MARCHF1: variants seen among roughly 807,000 people sequenced by gnomAD.
MARCHF1 encodes the protein E3 ubiquitin-protein ligase MARCHF1.
Under a neutral mutation model 54.2 loss-of-function variants are expected in MARCHF1, and 40 were observed. That is an observed-to-expected ratio of 0.74 (90% CI 0.57 to 0.96). MARCHF1 has a LOEUF of 0.96. Among genes scored for constraint, MARCHF1 ranks in the 40% least tolerant of loss-of-function variants. MARCHF1 has a pLI of 0.00. For missense variants in MARCHF1, 586 were observed against 656.5 expected, an observed-to-expected ratio of 0.89 and a Z score of 1.17; for synonymous variants, 236 against 236.3, an observed-to-expected ratio of 1.00 and a Z score of 0.01.
chr4:163,594,309 T>A (rs985112776), intron 7 of MARCHF1, among the ~76,000 whole-genome samples: 1 of 152,002 alleles, frequency 6.6e-6, no homozygotes, highest in Non-Finnish European at 1.5e-5. Flanking sequence ...GAAAAGAGCA[T>A]GAAAGTTCTT....
At chr4:164,024,921 C>G (rs1445240596) in intron 2 of MARCHF1, among the ~76,000 whole-genome samples, 1 of 151,618 alleles carries the variant, frequency 6.6e-6, no homozygotes, top group Non-Finnish European at 1.5e-5. Flanking sequence ...AACAAAAGAA[C>G]AGCAGGAGTC....
At chr4:164,218,986 A>T (rs1732013381) in intron 1 of MARCHF1, among the ~76,000 whole-genome samples, 1 of 152,184 alleles carries the variant, frequency 6.6e-6, no homozygotes, top group Non-Finnish European at 1.5e-5. Context: ...AAGGATATGT[A>T]AACAGTATTG....
intron 5 of MARCHF1, among the ~76,000 whole-genome samples, chr4:163,636,292 A>G (rs1742319360): frequency 6.7e-6 from 1 of 149,128 alleles, no homozygotes; most frequent in Non-Finnish European, 1.5e-5. Flanking sequence ...TTAGGAAAAG[A>G]GGAAGTCAAA....
intron 1 of MARCHF1, among the ~76,000 whole-genome samples, chr4:164,370,480 G>C (rs1731005519): frequency 6.6e-6 from 1 of 152,200 alleles, no homozygotes; most frequent in Non-Finnish European, 1.5e-5. Flanking sequence ...CAGTCTCCTG[G>C]TAGTGTCTCA....
chr4:164,269,780 G>A (rs1733697659), intron 1 of MARCHF1, among the ~76,000 whole-genome samples: 3 of 152,180 alleles, frequency 2.0e-5, no homozygotes, highest in East Asian at 1.9e-4. Flanking sequence ...TGACTGGGGA[G>A]GGGGGTTTAT....
rs188766668 is a variant in MARCHF1, at chr4:163,973,264, G to C, written c.-39+15237C>G. On this transcript the variant is annotated intron_variant, in intron 3 of 9. Transcript: ENST00000514618. Reference sequence around the variant, plus strand: ...TTTTATTTAGCTCATGATACTTTTGGGTTATTTACATCAGCCTCAAATAAT... The same window carrying C: ...TTTTATTTAGCTCATGATACTTTTGCGTTATTTACATCAGCCTCAAATAAT... 3.9e-5 allele frequency among the ~76,000 whole-genome samples: 6 copies of C among 152,226 alleles called. No individual in the cohort carries two copies. The East Asian group carries it at 1.2e-3, about 29-fold the overall frequency.
intron 3 of MARCHF1, among the ~76,000 whole-genome samples, chr4:163,927,804 T>A (rs772621750): frequency 1.3e-5 from 2 of 151,820 alleles, no homozygotes; most frequent in Non-Finnish European, 2.9e-5. Context: ...ATAGATGTGA[T>A]CAAGCCTAAT....
chr4:163,703,857 C>A (rs932408400), intron 4 of MARCHF1, among the ~76,000 whole-genome samples: 1 of 151,924 alleles, frequency 6.6e-6, no homozygotes, highest in African/African-American at 2.4e-5. Context: ...CAAAGTTGAT[C>A]CTACTAAACA....
intron 4 of MARCHF1, among the ~76,000 whole-genome samples, chr4:163,777,866 A>C (rs1267993667): frequency 6.6e-6 from 1 of 152,196 alleles, no homozygotes; most frequent in African/African-American, 2.4e-5. Context: ...CAACACAATA[A>C]TGATTCAGAA....
At position 164,168,153 on chromosome 4, in the gene MARCHF1, G is replaced by C. The variant is rs76373961; in HGVS notation, c.-322-56491C>G. ...AAGAAGACATAAACATAGCCAACGTGTATATGAAAATGAAAATGTACTGAA... is the reference window on the plus strand; with the variant it reads ...AAGAAGACATAAACATAGCCAACGTCTATATGAAAATGAAAATGTACTGAA... On this transcript the variant is annotated intron_variant, in intron 1 of 9. Coordinates refer to ENST00000514618, the MANE Select transcript of MARCHF1 (RefSeq NM_001394959.1). Among the ~76,000 whole-genome samples the C allele has an allele frequency of 0.015, 2,338 of 152,030 alleles. 86 individuals carry two copies. The East Asian group carries it at 0.16, about 11-fold the overall frequency.
At chr4:164,164,230 T>C (rs75370113) in intron 1 of MARCHF1, among the ~76,000 whole-genome samples, 1,875 of 151,732 alleles carry the variant, frequency 0.012, 38 homozygotes, top group East Asian at 0.088. Flanking sequence ...TAATAATAAA[T>C]ATTAGAGGAG....
intron 4 of MARCHF1, among the ~76,000 whole-genome samples, chr4:163,729,206 T>A (rs539985322): frequency 6.6e-6 from 1 of 152,244 alleles, no homozygotes; most frequent in East Asian, 1.9e-4. Flanking sequence ...TCTATGTTCC[T>A]GGAGGAAACA....
chr4:164,227,015 T>C (rs185146938), intron 1 of MARCHF1, among the ~76,000 whole-genome samples: 1 of 152,206 alleles, frequency 6.6e-6, no homozygotes. Context: ...TACAGGCATA[T>C]TACAACTGAG....
chr4:163,842,580 G>A (rs1034546686), intron 4 of MARCHF1, among the ~76,000 whole-genome samples: 2 of 151,976 alleles, frequency 1.3e-5, no homozygotes, highest in Non-Finnish European at 2.9e-5. Flanking sequence ...ATTACTTGCC[G>A]TTTTCCTCTA....
At chr4:163,912,643 A>G (rs1475148661) in intron 3 of MARCHF1, among the ~76,000 whole-genome samples, 1 of 152,204 alleles carries the variant, frequency 6.6e-6, no homozygotes, top group Non-Finnish European at 1.5e-5. Flanking sequence ...GGTGATCCAC[A>G]TTGATTATTT....
chr4:164,303,204 G>A (rs779780416), intron 1 of MARCHF1, among the ~76,000 whole-genome samples: 11 of 152,202 alleles, frequency 7.2e-5, no homozygotes, highest in Middle Eastern at 3.4e-3. Context: ...GCTCGGTTTT[G>A]TTTTCCTTCT....
chr4:163,863,756 A>G (rs1749991815), intron 3 of MARCHF1, among the ~76,000 whole-genome samples: 2 of 152,024 alleles, frequency 1.3e-5, no homozygotes, highest in Admixed American at 1.3e-4. Flanking sequence ...TGCTTTAAAA[A>G]ATGGCTGATT....
chr4:164,314,074 T>A (rs1183978048), intron 1 of MARCHF1, among the ~76,000 whole-genome samples: 1 of 152,220 alleles, frequency 6.6e-6, no homozygotes, highest in East Asian at 1.9e-4. Context: ...AGAGCTAAAT[T>A]CCTTCAGCTT....
At chr4:163,765,914 T>C (rs1325205412) in intron 4 of MARCHF1, among the ~76,000 whole-genome samples, 2 of 147,702 alleles carry the variant, frequency 1.4e-5, no homozygotes, top group Admixed American at 6.8e-5. Context: ...ATATATAATA[T>C]ATAATTATAT....
Sources: gnomAD v4.1 joint callset for allele counts (sites outside exome capture counted in the v4.1 genomes callset) on GRCh38, gnomAD v4.1.1 for gene constraint, MANE v1.5 for transcripts, NCBI Gene and HGNC (gene_info 2026-07-23, HGNC 2026-07-21) for gene names.